The following SLCO1B3 variants were observed in gnomAD, a reference collection of about 807,000 sequenced individuals.
SLCO1B3 encodes solute carrier organic anion transporter family member 1B3.
SLCO1B3 carries 72 observed loss-of-function variants against 71.8 expected under a neutral mutation model. That is an observed-to-expected ratio of 1.00 (90% CI 0.83 to 1.22). The LOEUF is 1.22. SLCO1B3 is among the 50% of genes most tolerant of loss of function. The pLI is 0.00. For missense variants in SLCO1B3, 911 were observed against 819.7 expected, an observed-to-expected ratio of 1.11 and a Z score of -1.36; for synonymous variants, 298 against 278.4, an observed-to-expected ratio of 1.07 and a Z score of -0.70.
At chr12:20,836,138 A>C (rs1211406356) in intron 3 of SLCO1B3, among the ~76,000 whole-genome samples, 4 of 152,168 alleles carry the variant, frequency 2.6e-5, no homozygotes, top group African/African-American at 9.7e-5. Flanking sequence ...GGAAAAACCC[A>C]TCCCCATGAT....
intron 13 of SLCO1B3, among the ~76,000 whole-genome samples, chr12:20,889,830 A>G (rs1300309599): frequency 6.6e-6 from 1 of 152,050 alleles, no homozygotes; most frequent in Non-Finnish European, 1.5e-5. Flanking sequence ...ATTTAATGCT[A>G]CAAACTTCCC....
At chr12:20,876,156 G>A (rs11045576) in intron 9 of SLCO1B3, among the ~76,000 whole-genome samples, 80,383 of 151,522 alleles carry the variant, frequency 0.53, 24,062 homozygotes, top group South Asian at 0.77. Context: ...AGCAACATCA[G>A]TAATTAAGAT....
chr12:20,827,814 C>G (rs1422536073), intron 3 of SLCO1B3, among the ~76,000 whole-genome samples: 1 of 152,090 alleles, frequency 6.6e-6, no homozygotes, highest in Non-Finnish European at 1.5e-5. Context: ...ATGATCCGCC[C>G]GCCTTGGCCT....
chr12:20,878,957 G>A (rs1865635767), intron 10 of SLCO1B3, among the ~76,000 whole-genome samples: 2 of 152,094 alleles, frequency 1.3e-5, no homozygotes, highest in African/African-American at 4.8e-5. Flanking sequence ...TTTGAGAAAT[G>A]TATAAAGGAT....
chr12:20,825,857 G>A (rs370990715), intron 3 of SLCO1B3, among the ~76,000 whole-genome samples: 5 of 150,156 alleles, frequency 3.3e-5, no homozygotes, highest in African/African-American at 1.2e-4. Context: ...ATAGAATTAG[G>A]ACTTTAAAAG....
intron 10 of SLCO1B3, among the ~76,000 whole-genome samples, chr12:20,878,475 C>T (rs1865627783): frequency 6.6e-6 from 1 of 152,092 alleles, no homozygotes; most frequent in Non-Finnish European, 1.5e-5. Flanking sequence ...TTGAGACCTT[C>T]TCATTAAGGA....
chr12:20,911,401 TTTC>T (rs1290384203), intron 15 of SLCO1B3, among the ~76,000 whole-genome samples: 1 of 152,152 alleles, frequency 6.6e-6, no homozygotes, highest in Non-Finnish European at 1.5e-5. Context: ...GCTCTGTAGT[TTTC>T]TTTTCTTGTA....
intron 3 of SLCO1B3, among the ~76,000 whole-genome samples, chr12:20,850,256 T>TTTTATTTATTTA (rs67315737): frequency 0.019 from 2,683 of 143,038 alleles, 57 homozygotes; most frequent in Admixed American, 0.044. Flanking sequence ...ATTATTATTA[T>TTTTATTTATTTA]TTTATTTATT....
At position 20,916,290 on chromosome 12, in the gene SLCO1B3, G is replaced by C. The variant is rs2120487249; in HGVS notation, c.*43G>C. ...AAGATGTTATTTTTGAGGTGTTCCTGGTCTTTCACTGACAATTCCAACATT... is the reference window on the plus strand; with the variant it reads ...AAGATGTTATTTTTGAGGTGTTCCTCGTCTTTCACTGACAATTCCAACATT... On this transcript the variant is annotated 3_prime_UTR_variant, in exon 16 of 16. Transcript: ENST00000381545. 1.3e-6 allele frequency: 2 copies of C among 1,575,120 alleles called. No individual in the cohort carries two copies. The highest frequency in any genetic ancestry group is 1.4e-5 in the African/African-American group (1 of 73,876).
Position 20,898,418 on chromosome 12 carries a change from G to T in SLCO1B3, c.1683-18G>T, listed in dbSNP as rs755657707. The T allele has an allele frequency of 9.7e-6, 15 of 1,540,262 alleles. No homozygotes were observed. The highest frequency in any genetic ancestry group is 1.3e-5 in the Non-Finnish European group (15 of 1,116,680). ...TTTTAATGACATGTATTATTTCTTT[G>T]CCTTTATCATATTTCAGGATTGTTC... On this transcript the variant is annotated intron_variant, in intron 13 of 15. Transcript: ENST00000381545.
intron 12 of SLCO1B3, among the ~76,000 whole-genome samples, chr12:20,881,498 G>T (rs1375862538): frequency 6.6e-6 from 1 of 152,072 alleles, no homozygotes; most frequent in Non-Finnish European, 1.5e-5. Flanking sequence ...ACTCACTGTG[G>T]CCTTGGACTT....
At chr12:20,912,431 C>A (rs10841706) in intron 15 of SLCO1B3, among the ~76,000 whole-genome samples, 118,355 of 150,430 alleles carry the variant, frequency 0.79, 50,956 homozygotes, top group South Asian at 0.95. Flanking sequence ...TGGGTTCAAA[C>A]AATTCTCGTG....
intron 3 of SLCO1B3, among the ~76,000 whole-genome samples, chr12:20,843,044 A>T (rs1864835911): frequency 6.6e-6 from 1 of 152,150 alleles, no homozygotes; most frequent in Admixed American, 6.5e-5. Context: ...TCTGTTGTTT[A>T]TAAGGTACTC....
chr12:20,877,019 C>T (rs988312708), intron 9 of SLCO1B3, among the ~76,000 whole-genome samples: 4 of 152,062 alleles, frequency 2.6e-5, no homozygotes, highest in South Asian at 2.1e-4. Context: ...TTTGTAGAGA[C>T]GGGGTTTCAC....
chr12:20,849,123 A>G (rs1276607778), intron 3 of SLCO1B3, among the ~76,000 whole-genome samples: 4 of 152,000 alleles, frequency 2.6e-5, no homozygotes, highest in Non-Finnish European at 2.9e-5. Context: ...GTGAATCTAA[A>G]TTGCTCTAAA....
At chr12:20,844,616 T>C (rs910804257) in intron 3 of SLCO1B3, among the ~76,000 whole-genome samples, 2 of 152,092 alleles carry the variant, frequency 1.3e-5, no homozygotes, top group Non-Finnish European at 2.9e-5. Context: ...CCCCAAATCA[T>C]TCAGGAGCAG....
chr12:20,883,009 A>G (rs4332570), intron 12 of SLCO1B3, among the ~76,000 whole-genome samples: 110,110 of 152,034 alleles, frequency 0.72, 42,472 homozygotes, highest in South Asian at 0.9. Flanking sequence ...GCCTGGCTCT[A>G]TTTCCTCTGC....
chr12:20,912,127 A>T (rs1323345876), intron 15 of SLCO1B3, among the ~76,000 whole-genome samples: 4 of 151,890 alleles, frequency 2.6e-5, no homozygotes, highest in Non-Finnish European at 4.4e-5. Flanking sequence ...TAAATTTCTC[A>T]TGAAATTTCA....
rs1309030465 is a variant in SLCO1B3 at position 20,825,065 on chromosome 12, C to T, written c.84+9243C>T. 2.0e-5 allele frequency among the ~76,000 whole-genome samples: 3 copies of T among 152,200 alleles called. No homozygotes were observed. In the East Asian group the frequency reaches 5.8e-4, roughly 29 times the overall value. On this transcript the variant is annotated intron_variant, in intron 3 of 15. Coordinates refer to ENST00000381545, the MANE Select transcript of SLCO1B3 (RefSeq NM_019844.4). ...GGCCAATTAAATCTGTCTCTCAAAT[C>T]TTATAAACAAATCTATTAAATTTTA... is the stretch of plus-strand genomic sequence containing the variant.
Sources: allele counts gnomAD v4.1 joint callset (sites outside exome capture counted in the v4.1 genomes callset), GRCh38; gene constraint gnomAD v4.1.1; transcripts MANE v1.5; gene names NCBI Gene and HGNC (gene_info 2026-07-23, HGNC 2026-07-21).